Variants in DNAJC24 observed in about 807,000 individuals in gnomAD.
The protein encoded by DNAJC24 is dnaJ homolog subfamily C member 24.
In DNAJC24, 17 loss-of-function variants were observed where a neutral mutation model predicts 18.0. That is an observed-to-expected ratio of 0.94 (90% CI 0.65 to 1.42). The LOEUF (loss-of-function observed/expected upper bound fraction) is 1.42, where lower values mean the gene tolerates loss of function less well. Ranked by LOEUF, DNAJC24 falls within the 40% of genes most tolerant of loss-of-function variation. DNAJC24 has a pLI of 0.00. For synonymous variants in DNAJC24, 55 were observed against 57.7 expected, an observed-to-expected ratio of 0.95 and a Z score of 0.21; for missense variants, 158 against 175.6, an observed-to-expected ratio of 0.90 and a Z score of 0.57.
intron 2 of DNAJC24, among the ~76,000 whole-genome samples, chr11:31,396,853 AC>A (rs1313782107): frequency 6.6e-6 from 1 of 151,930 alleles, no homozygotes; most frequent in African/African-American, 2.4e-5. Flanking sequence ...TCCCTATCCA[AC>A]CATTCTTTCA....
chr11:31,377,951 CATTCAGAGGGT>C (rs1952334728), intron 2 of DNAJC24, among the ~76,000 whole-genome samples: 1 of 152,010 alleles, frequency 6.6e-6, no homozygotes, highest in Admixed American at 6.6e-5. Context: ...CTTACGTGGG[CATTCAGAGGGT>C]CTCATTTGAT....
intron 2 of DNAJC24, among the ~76,000 whole-genome samples, chr11:31,391,655 G>A (rs1227523201): frequency 6.6e-6 from 1 of 152,110 alleles, no homozygotes; most frequent in African/African-American, 2.4e-5. Context: ...ACAGTTGATG[G>A]GAATTAAATT....
At chr11:31,397,579 G>A (rs1406058250) in intron 2 of DNAJC24, among the ~76,000 whole-genome samples, 1 of 151,120 alleles carries the variant, frequency 6.6e-6, no homozygotes, top group Non-Finnish European at 1.5e-5. Flanking sequence ...ACATGATCAT[G>A]TTTTAAGCAA....
At chr11:31,381,881 A>G (rs1235875623) in intron 2 of DNAJC24, among the ~76,000 whole-genome samples, 1 of 152,134 alleles carries the variant, frequency 6.6e-6, no homozygotes, top group Non-Finnish European at 1.5e-5. Flanking sequence ...CTGGCTCTCA[A>G]AACATTTAAA....
At chr11:31,397,056 C>T (rs1247103543) in intron 2 of DNAJC24, among the ~76,000 whole-genome samples, 2 of 152,154 alleles carry the variant, frequency 1.3e-5, no homozygotes, top group African/African-American at 4.8e-5. Context: ...TAAAACCTTC[C>T]CCAACTTATC....
chr11:31,417,967 T>G (rs1056290414), intron 3 of DNAJC24, among the ~76,000 whole-genome samples: 1 of 152,116 alleles, frequency 6.6e-6, no homozygotes, highest in Admixed American at 6.6e-5. Context: ...AAGTATTGCA[T>G]GTATGTTTTT....
chr11:31,387,700 C>G (rs552697341), intron 2 of DNAJC24, among the ~76,000 whole-genome samples: 2 of 152,230 alleles, frequency 1.3e-5, no homozygotes, highest in Admixed American at 1.3e-4. Flanking sequence ...TCTTCAATGC[C>G]CAGGCACCAG....
intron 2 of DNAJC24, among the ~76,000 whole-genome samples, chr11:31,413,851 T>C (rs1414770420): frequency 2.6e-5 from 4 of 152,206 alleles, no homozygotes; most frequent in African/African-American, 9.7e-5. Context: ...CACTGAAATG[T>C]CTCTAAATTT....
At chr11:31,380,589 T>C (rs529888227) in intron 2 of DNAJC24, among the ~76,000 whole-genome samples, 103 of 152,326 alleles carry the variant, frequency 6.8e-4, no homozygotes, top group Middle Eastern at 3.4e-3. Context: ...CTTTTTCTTT[T>C]ATTTTTATAA....
rs184415735 is a variant in DNAJC24, at chr11:31,409,975, C to A, written c.112-4836C>A. ...TCTCCGCTCACTGCAACCTCTACCT[C>A]CCCAGTTTAAGCAATTCTTGTGCCT... On this transcript the variant is annotated intron_variant, in intron 2 of 4. Transcript: ENST00000465995. Among the ~76,000 whole-genome samples the A allele has an allele frequency of 8.8e-4, 133 of 151,454 alleles. 2 individuals are homozygous for A. Among genetic ancestry groups the A allele is most frequent in the Admixed American group, 6.1e-3 (93 of 15,182 alleles).
At chr11:31,419,267 G>C (rs1383713770) in intron 3 of DNAJC24, among the ~76,000 whole-genome samples, 2 of 151,930 alleles carry the variant, frequency 1.3e-5, no homozygotes, top group East Asian at 3.9e-4. Flanking sequence ...AGCATCGGGG[G>C]GTATGTTTTT....
rs535104860 is a variant in DNAJC24 at position 31,417,645 on chromosome 11, G to T, written c.250+2696G>T. Among the ~76,000 whole-genome samples the T allele has an allele frequency of 1.6e-4, 24 of 152,066 alleles. No individual in the cohort carries two copies. The South Asian group carries it at 4.2e-3, about 26-fold the overall frequency. On this transcript the variant is annotated intron_variant, in intron 3 of 4. Transcript: ENST00000465995. ...ATTGTAAACCTTTCTTTTCATAGGG[G>T]TGTGCTTTAAATATGTTTGTTTCCT... is the stretch of plus-strand genomic sequence containing the variant.
chr11:31,403,750 A>G (rs1412132676), intron 2 of DNAJC24, among the ~76,000 whole-genome samples: 3 of 152,208 alleles, frequency 2.0e-5, no homozygotes, highest in African/African-American at 7.2e-5. Flanking sequence ...AGGGCCGTAT[A>G]TTAAGATGTT....
chr11:31,414,558 A>G (rs1421556965), intron 2 of DNAJC24, among the ~76,000 whole-genome samples: 2 of 152,170 alleles, frequency 1.3e-5, no homozygotes, highest in East Asian at 3.9e-4. Context: ...GGATTCCATG[A>G]ACAAATTATC....
At chr11:31,426,474 A>AT in intron 4 of DNAJC24, 119 bp downstream of exon 4, 1 of 584,076 alleles carries the variant, frequency 1.7e-6, no homozygotes, top group East Asian at 3.1e-5. Flanking sequence ...CTTTCTATAT[A>AT]TATGTGGTAA....
intron 2 of DNAJC24, among the ~76,000 whole-genome samples, chr11:31,371,222 G>A (rs1952242435): frequency 6.6e-6 from 1 of 152,214 alleles, no homozygotes; most frequent in Non-Finnish European, 1.5e-5. Context: ...AGCCACATGT[G>A]GCTGTTGATT....
At chr11:31,425,657 AC>A (rs1952853859) in intron 3 of DNAJC24, among the ~76,000 whole-genome samples, 3 of 152,022 alleles carry the variant, frequency 2.0e-5, no homozygotes, top group Non-Finnish European at 4.4e-5. Context: ...TTGGATTAGA[AC>A]CCCACTTTTA....
intron 2 of DNAJC24, among the ~76,000 whole-genome samples, chr11:31,381,408 A>C (rs1952375527): frequency 6.6e-6 from 1 of 152,166 alleles, no homozygotes; most frequent in African/African-American, 2.4e-5. Context: ...TAAACTCAGT[A>C]ATGGACTGTA....
rs34856586 is a variant in DNAJC24, at chr11:31,405,374, A to AT, written c.112-9418dup. Among the ~76,000 whole-genome samples the AT allele has an allele frequency of 6.9e-3, 926 of 134,326 alleles. 5 individuals are homozygous for AT. Among genetic ancestry groups the AT allele is most frequent in the East Asian group, 0.02 (94 of 4,624 alleles). 88.1% of individuals were successfully genotyped at this position (134,326 alleles called of 152,430 possible). A position where few individuals can be genotyped will look rare whatever the true frequency, so the allele number is the denominator to read the frequency against. On this transcript the variant is annotated intron_variant, in intron 2 of 4. Coordinates refer to ENST00000465995, the MANE Select transcript of DNAJC24 (RefSeq NM_181706.5). The stretch of plus-strand genomic sequence containing the variant: ...CATGAGCCACCGCACCCAGCCAGGA[A>AT]TTTTTTTTTTTTTTTTTTTAAGGAT...
Sources: allele counts gnomAD v4.1 joint callset (sites outside exome capture counted in the v4.1 genomes callset), GRCh38; gene constraint gnomAD v4.1.1; transcripts MANE v1.5; gene names NCBI Gene and HGNC (gene_info 2026-07-23, HGNC 2026-07-21).